INPP5F: variants seen among roughly 807,000 people sequenced by gnomAD.
INPP5F encodes phosphatidylinositide 4-phosphatase SAC2.
A neutral mutation model predicts 137.2 loss-of-function variants in INPP5F; 97 were observed. That is an observed-to-expected ratio of 0.71 (90% CI 0.60 to 0.84). The LOEUF (loss-of-function observed/expected upper bound fraction) is 0.84, where lower values mean the gene tolerates loss of function less well. Ranked by LOEUF, INPP5F falls within the 40% of genes least tolerant of loss-of-function variation. The pLI, the probability that INPP5F is intolerant of heterozygous loss-of-function variation, is 0.00. For missense variants in INPP5F, 1,271 were observed against 1,371.9 expected, an observed-to-expected ratio of 0.93 and a Z score of 1.16; for synonymous variants, 504 against 476.9, an observed-to-expected ratio of 1.06 and a Z score of -0.74.
intron 2 of INPP5F, among the ~76,000 whole-genome samples, chr10:119,779,228 A>G (rs949689358): frequency 6.6e-6 from 1 of 152,174 alleles, no homozygotes; most frequent in Non-Finnish European, 1.5e-5. Context: ...AAAGATAAGA[A>G]TGGTACACCT....
intron 15 of INPP5F, 30 bp downstream of exon 15, chr10:119,811,985 C>T: frequency 6.4e-7 from 1 of 1,565,122 alleles, no homozygotes; most frequent in Non-Finnish European, 8.8e-7. Flanking sequence ...AGGTGACCAG[C>T]TTGCTTAACT....
At chr10:119,819,709 T>G (rs545732968) in intron 15 of INPP5F, 1 of 432,042 alleles carries the variant, frequency 2.3e-6, no homozygotes, top group East Asian at 3.6e-5. Context: ...TTATGTCATT[T>G]GCTGTATTTT....
At chr10:119,824,128 A>G (rs919948427) in intron 19 of INPP5F, among the ~76,000 whole-genome samples, 4 of 152,188 alleles carry the variant, frequency 2.6e-5, no homozygotes, top group Non-Finnish European at 5.9e-5. Context: ...GGTAGTTTAG[A>G]GGGTTTCCAT....
intron 15 of INPP5F, 53 bp downstream of exon 15, chr10:119,812,008 T>C: frequency 7.2e-7 from 1 of 1,386,206 alleles, no homozygotes; most frequent in Non-Finnish European, 1.0e-6. Context: ...TGTTGGGAAG[T>C]TGTCATGATT....
chr10:119,818,813 A>G (rs1253674302), intron 15 of INPP5F: 1 of 152,268 alleles, frequency 6.6e-6, no homozygotes, highest in Non-Finnish European at 1.5e-5. Context: ...CTGACTGACG[A>G]TGCCGCGCTC....
At chr10:119,817,125 A>G (rs1393294633) in intron 15 of INPP5F, among the ~76,000 whole-genome samples, 1 of 152,226 alleles carries the variant, frequency 6.6e-6, no homozygotes, top group Non-Finnish European at 1.5e-5. Flanking sequence ...GCTTTCAGTT[A>G]GCATAATGTT....
At chr10:119,823,568 CAT>C (rs1023565829) in intron 18 of INPP5F, among the ~76,000 whole-genome samples, 1 of 143,298 alleles carries the variant, frequency 7.0e-6, no homozygotes, top group Admixed American at 7.0e-5. Context: ...CTTGAACAAA[CAT>C]GAACTAGAAC....
chr10:119,731,508 A>T (rs1049194501), intron 1 of INPP5F, among the ~76,000 whole-genome samples: 2 of 152,144 alleles, frequency 1.3e-5, no homozygotes, highest in African/African-American at 2.4e-5. Context: ...TACTGAAAAT[A>T]CAAAAATTAG....
At chr10:119,820,383 TAA>T (rs926791461) in intron 15 of INPP5F, among the ~76,000 whole-genome samples, 5 of 152,210 alleles carry the variant, frequency 3.3e-5, no homozygotes, top group African/African-American at 1.2e-4. Flanking sequence ...TGTATTAATG[TAA>T]AAGTCTTTCA....
At chr10:119,733,763 A>G (rs1056857844) in intron 1 of INPP5F, among the ~76,000 whole-genome samples, 14 of 152,178 alleles carry the variant, frequency 9.2e-5, no homozygotes, top group African/African-American at 3.1e-4. Flanking sequence ...ACTAAGGTGC[A>G]CTGACAGCTT....
At chr10:119,793,712 T>A (rs1038856271) in intron 6 of INPP5F, 1 of 152,326 alleles carries the variant, frequency 6.6e-6, no homozygotes, top group Non-Finnish European at 1.5e-5. Context: ...AGTGGCACGA[T>A]CTCAGCCCAC....
At chr10:119,807,230 G>A (rs1329795550) in intron 12 of INPP5F, among the ~76,000 whole-genome samples, 2 of 152,112 alleles carry the variant, frequency 1.3e-5, no homozygotes, top group Non-Finnish European at 2.9e-5. Context: ...CCCAGATCGT[G>A]CCACTGCACT....
chr10:119,802,177 A>T (rs1261063505), intron 9 of INPP5F, among the ~76,000 whole-genome samples: 1 of 152,184 alleles, frequency 6.6e-6, no homozygotes, highest in African/African-American at 2.4e-5. Context: ...AATAAGAGAT[A>T]CAGGAACCAA....
chr10:119,731,436 G>C (rs1848062947), intron 1 of INPP5F, among the ~76,000 whole-genome samples: 1 of 152,188 alleles, frequency 6.6e-6, no homozygotes, highest in African/African-American at 2.4e-5. Flanking sequence ...GGCCGAGGTG[G>C]ATGGATCACT....
intron 1 of INPP5F, among the ~76,000 whole-genome samples, chr10:119,745,003 T>A (rs1000626458): frequency 2.0e-5 from 3 of 152,218 alleles, no homozygotes; most frequent in Non-Finnish European, 2.9e-5. Context: ...TTTCTTTTTT[T>A]TTTTTAAGTC....
At chr10:119,799,268 C>T (rs1485919807) in intron 9 of INPP5F, 5 of 422,052 alleles carry the variant, frequency 1.2e-5, no homozygotes, top group East Asian at 1.5e-4. Context: ...TGAGTAATGC[C>T]GTGGAATGTG....
At chr10:119,745,373 CTT>C (rs971153706) in intron 1 of INPP5F, among the ~76,000 whole-genome samples, 1 of 148,122 alleles carries the variant, frequency 6.8e-6, no homozygotes, top group Non-Finnish European at 1.5e-5. Context: ...TTCTCGATCT[CTT>C]TTTTTCCATG....
chr10:119,793,743 T>G (rs1338880555), intron 6 of INPP5F: 1 of 152,300 alleles, frequency 6.6e-6, no homozygotes, highest in East Asian at 1.9e-4. Flanking sequence ...CCTCCCGGGT[T>G]CAAGTGATTC....
intron 3 of INPP5F, among the ~76,000 whole-genome samples, chr10:119,789,584 A>C (rs1850061171): frequency 6.6e-6 from 1 of 152,074 alleles, no homozygotes; most frequent in African/African-American, 2.4e-5. Flanking sequence ...GGTAGGAGTC[A>C]ACAAGACAAA....
Sources: allele counts gnomAD v4.1 joint callset (sites outside exome capture counted in the v4.1 genomes callset), GRCh38; gene constraint gnomAD v4.1.1; transcripts MANE v1.5; gene names NCBI Gene and HGNC (gene_info 2026-07-23, HGNC 2026-07-21).